The following CYP27C1 variants were observed in gnomAD, a reference collection of about 807,000 sequenced individuals.
CYP27C1 encodes cytochrome P450 27C1.
Under a neutral mutation model 40.6 loss-of-function variants are expected in CYP27C1, and 29 were observed. That is an observed-to-expected ratio of 0.71 (90% CI 0.53 to 0.97). The LOEUF (loss-of-function observed/expected upper bound fraction) is 0.97, where lower values mean the gene tolerates loss of function less well. Among genes scored for constraint, CYP27C1 ranks in the 50% least tolerant of loss-of-function variants. CYP27C1 has a pLI of 0.00. For synonymous variants in CYP27C1, 198 were observed against 186.8 expected, an observed-to-expected ratio of 1.06 and a Z score of -0.49; for missense variants, 390 against 485.8, an observed-to-expected ratio of 0.80 and a Z score of 1.85.
At chr2:127,215,821 AAGGG>A (rs1683421138) in intron 1 of CYP27C1, among the ~76,000 whole-genome samples, 1 of 150,378 alleles carries the variant, frequency 6.6e-6, no homozygotes, top group Non-Finnish European at 1.5e-5. Flanking sequence ...TCAGTAGAGG[AAGGG>A]AGGGAGGGAG....
chr2:127,214,424 G>A (rs1237530627), intron 1 of CYP27C1, among the ~76,000 whole-genome samples: 1 of 152,122 alleles, frequency 6.6e-6, no homozygotes, highest in South Asian at 2.1e-4. Flanking sequence ...CAACCCAAAT[G>A]CCCATTAACG....
chr2:127,193,425 C>T lies in CYP27C1; in HGVS notation c.1294-128G>A. On this transcript the variant is annotated intron_variant, in intron 7 of 8. Transcript: ENST00000664447. ...CCTGGGGGCCGCCCGGGTCCACTCACACCCAGGATGGCAGCCGCTCCCCCC... is the reference window on the plus strand; with the variant it reads ...CCTGGGGGCCGCCCGGGTCCACTCATACCCAGGATGGCAGCCGCTCCCCCC... The T allele has an allele frequency of 2.9e-6, 3 of 1,023,756 alleles. No individual in the cohort carries two copies. In the South Asian group the frequency reaches 4.6e-5, roughly 16 times the overall value. The allele number at this position is 1,023,756 out of a possible 1,614,324, so 63.4% of individuals were successfully genotyped here.
At chr2:127,188,095 T>A (rs145736224) in intron 8 of CYP27C1, among the ~76,000 whole-genome samples, 1,614 of 152,266 alleles carry the variant, frequency 0.011, 73 homozygotes, top group Admixed American at 0.08. Context: ...AAGACTTCTG[T>A]CCACGGACAG....
chr2:127,198,313 G>T (rs1324595360), intron 5 of CYP27C1, among the ~76,000 whole-genome samples: 1 of 152,132 alleles, frequency 6.6e-6, no homozygotes, highest in Non-Finnish European at 1.5e-5. Flanking sequence ...AAATTGGGGA[G>T]TGAATGAAAT....
Position 127,197,221 on chromosome 2 carries a change from A to G in CYP27C1, c.1048-1720T>C, listed in dbSNP as rs73953289. ...TCCACACCATCACATTCAGGTAGTT[A>G]ATTAGAATTCTCATTGATTGCATCA... On this transcript the variant is annotated intron_variant, in intron 5 of 8. Coordinates refer to ENST00000664447, the MANE Select transcript of CYP27C1 (RefSeq NM_001367502.1). Among the ~76,000 whole-genome samples the G allele has an allele frequency of 8.1e-3, 1,240 of 152,308 alleles. 11 individuals are homozygous for G. The highest frequency in any genetic ancestry group is 0.028 in the African/African-American group (1,172 of 41,564).
rs148533302 is a variant in CYP27C1, at chr2:127,188,301, G to A, written c.1498-914C>T. Among the ~76,000 whole-genome samples the A allele has an allele frequency of 2.7e-3, 404 of 152,302 alleles. 1 individual carries two copies. Among genetic ancestry groups the A allele is most frequent in the African/African-American group, 8.9e-3 (368 of 41,556 alleles). ...GGGCTCCAGGCTGGGACCCCATGGCGTGATCACAGCTCTCTGCAGCCTCAA... is the reference window on the plus strand; with the variant it reads ...GGGCTCCAGGCTGGGACCCCATGGCATGATCACAGCTCTCTGCAGCCTCAA... On this transcript the variant is annotated intron_variant, in intron 8 of 8. Coordinates refer to ENST00000664447, the MANE Select transcript of CYP27C1 (RefSeq NM_001367502.1).
At chr2:127,194,257 C>A (rs892732898) in intron 6 of CYP27C1, among the ~76,000 whole-genome samples, 3 of 152,062 alleles carry the variant, frequency 2.0e-5, no homozygotes, top group Admixed American at 2.0e-4. Flanking sequence ...CTTCGGCGAT[C>A]GGATTATCTC....
At chr2:127,192,625 G>A (rs560185007) in intron 8 of CYP27C1, among the ~76,000 whole-genome samples, 5,405 of 152,044 alleles carry the variant, frequency 0.036, 147 homozygotes, top group South Asian at 0.073. Context: ...TTCCCGGGGG[G>A]GGGGGCTGCT....
In CYP27C1 at chr2:127,215,290, T is replaced by A. The variant is rs368533796; in HGVS notation, c.282+4699A>T. On this transcript the variant is annotated intron_variant, in intron 1 of 8. Coordinates refer to ENST00000664447, the MANE Select transcript of CYP27C1 (RefSeq NM_001367502.1). ...ATAGGAAAAGGATTTAATAGTCTCTTAAACAAATGGCACAGGGACAACTGG... is the reference window on the plus strand; with the variant it reads ...ATAGGAAAAGGATTTAATAGTCTCTAAAACAAATGGCACAGGGACAACTGG... Among the ~76,000 whole-genome samples, 110 of 152,248 alleles carry A rather than the reference T, an allele frequency of 7.2e-4. 1 individual carries two copies. In the South Asian group the frequency reaches 0.022, roughly 30 times the overall value.
chr2:127,205,785 G>T, intron 2 of CYP27C1, 115 bp downstream of exon 2: 1 of 979,100 alleles, frequency 1.0e-6, no homozygotes, highest in Non-Finnish European at 1.2e-6. Context: ...ATCATTCCAT[G>T]GGGGGGTTCT....
At chr2:127,215,265 A>G (rs1362392738) in intron 1 of CYP27C1, among the ~76,000 whole-genome samples, 1 of 152,206 alleles carries the variant, frequency 6.6e-6, no homozygotes, top group African/African-American at 2.4e-5. Context: ...AGATCTTTCA[A>G]TAGGAAAAGG....
Position 127,201,690 on chromosome 2 carries a change from G to A in CYP27C1, c.674-359C>T, listed in dbSNP as rs1683038507. 6.6e-6 allele frequency among the ~76,000 whole-genome samples: 1 copy of A among 152,140 alleles called. No individual in the cohort carries two copies. Among genetic ancestry groups the A allele is most frequent in the Non-Finnish European group, 1.5e-5 (1 of 68,024 alleles). Reference sequence around the variant, plus strand: ...GTCTGAAATGATGAGCCCTGGGGAGGGGACAATCACCGAGCGTGTCACTGC... The same window carrying A: ...GTCTGAAATGATGAGCCCTGGGGAGAGGACAATCACCGAGCGTGTCACTGC... On this transcript the variant is annotated intron_variant, in intron 3 of 8. Transcript: ENST00000664447. The surrounding 1 kb of genome is among the most constrained non-coding windows in gnomAD (Gnocchi z 6.0).
intron 6 of CYP27C1, 123 bp from the exon 7 acceptor site, chr2:127,193,990 A>T (rs1051033852): frequency 2.8e-6 from 3 of 1,075,424 alleles, no homozygotes; most frequent in African/African-American, 1.6e-5. Flanking sequence ...CACATGGTAC[A>T]TTTTCAACTG....
intron 8 of CYP27C1, among the ~76,000 whole-genome samples, chr2:127,189,168 G>GCCCCCCCCCCCCCC (rs34707287): frequency 5.4e-5 from 7 of 129,130 alleles, no homozygotes; most frequent in Non-Finnish European, 8.4e-5. Context: ...AAAAAACACT[G>GCCCCCCCCCCCCCC]CCCCCCCCCT....
At position 127,195,418 on chromosome 2, in the gene CYP27C1, C is replaced by A. The variant is rs1036757398; in HGVS notation, c.1131G>T (p.Lys377Asn). ...VQQTVYREIV[K>N]NLGERHVPTA... Reference sequence around the variant, plus strand: ...TTGGAACATGCCTTTCCCCTAAATTCTTCACAATCTCCCGGTACACCGTCT... The same window carrying A: ...TTGGAACATGCCTTTCCCCTAAATTATTCACAATCTCCCGGTACACCGTCT... Residue 377 changes from lysine (K) to asparagine (N), a missense_variant, in exon 6 of 9, where the codon AAG becomes AAT. Coordinates refer to ENST00000664447, the MANE Select transcript of CYP27C1 (RefSeq NM_001367502.1). This position sits in a 1 kb window ranked among gnomAD's most constrained non-coding sequence, Gnocchi z 6.2. The A allele has an allele frequency of 3.1e-6, 5 of 1,614,016 alleles. No homozygotes were observed. Among genetic ancestry groups the A allele is most frequent in the Non-Finnish European group, 4.2e-6 (5 of 1,180,042 alleles).
intron 8 of CYP27C1, among the ~76,000 whole-genome samples, chr2:127,188,151 G>A (rs924212405): frequency 6.6e-6 from 1 of 152,194 alleles, no homozygotes; most frequent in Non-Finnish European, 1.5e-5. Context: ...ATTTGGAAAG[G>A]GCAGGGGGCA....
chr2:127,204,489 G>GAAAGAAAGAAAGA lies in CYP27C1; in HGVS notation c.474-919_474-918insTCTTTCTTTCTTT, dbSNP rs1558931107. Among the ~76,000 whole-genome samples, 20 of 29,950 alleles carry GAAAGAAAGAAAGA rather than the reference G, an allele frequency of 6.7e-4. 2 individuals carry two copies. Among genetic ancestry groups the GAAAGAAAGAAAGA allele is most frequent in the East Asian group, 3.2e-3 (2 of 634 alleles). The allele number at this position is 29,950 out of a possible 152,430, so 19.6% of individuals were successfully genotyped here. The stretch of plus-strand genomic sequence containing the variant: ...GAAAGAAAGAAAGAAAGAAAGAAAG[G>GAAAGAAAGAAAGA]AAGGAAGGAAGGAAGGAAAGAAAGA... On this transcript the variant is annotated intron_variant, in intron 2 of 8. Coordinates refer to ENST00000664447, the MANE Select transcript of CYP27C1 (RefSeq NM_001367502.1).
chr2:127,193,807 C>T lies in CYP27C1; in HGVS notation c.1275G>A (p.Gly425=), dbSNP rs1682839094. 3 of 1,614,116 alleles carry T rather than the reference C, an allele frequency of 1.9e-6. No homozygotes were observed. The highest frequency in any genetic ancestry group is 2.5e-6 in the Non-Finnish European group (3 of 1,180,054). The change falls in exon 7 of 9, where the codon GGG becomes GGA. Residue 425 remains glycine, a synonymous_variant. Transcript: ENST00000664447. ...RVTQEDLVIG[G]YLIPKGTQLA... ...AACTCACGCCTTTCGGAATCAGATACCCGCCAATAACCAGGTCTTCCTGGG... is the reference window on the plus strand; with the variant it reads ...AACTCACGCCTTTCGGAATCAGATATCCGCCAATAACCAGGTCTTCCTGGG...
chr2:127,216,044 T>C (rs111400193), intron 1 of CYP27C1, among the ~76,000 whole-genome samples: 8 of 152,240 alleles, frequency 5.3e-5, no homozygotes, highest in African/African-American at 1.9e-4. Flanking sequence ...TAATAACAAA[T>C]GTTGACAGGG....
Sources: allele counts gnomAD v4.1 joint callset (sites outside exome capture counted in the v4.1 genomes callset), GRCh38; gene constraint gnomAD v4.1.1; non-coding constraint Gnocchi (gnomAD v3.1); transcripts MANE v1.5; gene names NCBI Gene and HGNC (gene_info 2026-07-23, HGNC 2026-07-21).